Variants in COG5 observed in about 807,000 individuals in gnomAD.
COG5 encodes the protein conserved oligomeric Golgi complex subunit 5.
A neutral mutation model predicts 110.4 loss-of-function variants in COG5; 86 were observed. The ratio of observed to expected loss-of-function variants is 0.78; its 90% CI spans 0.65 to 0.93. The LOEUF (loss-of-function observed/expected upper bound fraction) is 0.93. Among genes scored for constraint, COG5 ranks in the 40% least tolerant of loss-of-function variants. COG5 has a pLI of 0.00. For synonymous variants in COG5, 360 were observed against 334.6 expected (o/e 1.08, Z -0.83); for missense variants, 1,077 against 987.0 (o/e 1.09, Z -1.22).
At chr7:107,339,423 G>C (rs563569834) in intron 10 of COG5, among the ~76,000 whole-genome samples, 7 of 152,132 alleles carry the variant, frequency 4.6e-5, no homozygotes, top group African/African-American at 1.4e-4. Context: ...CAAAATTATA[G>C]TGGGGGGCTT....
intron 10 of COG5, among the ~76,000 whole-genome samples, chr7:107,359,779 G>A (rs1301400607): frequency 6.6e-6 from 1 of 152,152 alleles, no homozygotes; most frequent in African/African-American, 2.4e-5. Context: ...TGACCTGCCA[G>A]CAGATACAAG....
chr7:107,226,422 C>T (rs959828259), intron 19 of COG5, among the ~76,000 whole-genome samples: 1 of 152,200 alleles, frequency 6.6e-6, no homozygotes, highest in African/African-American at 2.4e-5. Context: ...AAAGAAGAGA[C>T]AGATCTCTAA....
chr7:107,496,657 C>CAAA (rs1010946735), intron 6 of COG5, among the ~76,000 whole-genome samples: 35 of 90,588 alleles, frequency 3.9e-4, no homozygotes, highest in Middle Eastern at 5.4e-3. Context: ...GACTCTGTCT[C>CAAA]AAAAAAAAAA....
intron 21 of COG5, among the ~76,000 whole-genome samples, chr7:107,204,125 A>G (rs544611619): frequency 5.3e-5 from 8 of 152,330 alleles, no homozygotes; most frequent in Non-Finnish European, 7.3e-5. Context: ...AACAACTAGA[A>G]TAAGTGCTCT....
intron 6 of COG5, among the ~76,000 whole-genome samples, chr7:107,468,420 G>GGTGT (rs35406143): frequency 6.3e-4 from 95 of 149,622 alleles, no homozygotes; most frequent in South Asian, 8.5e-4. Context: ...TGTGTGCTGT[G>GGTGT]GTGTGTGTGT....
chr7:107,465,716 C>T (rs1365275713), intron 6 of COG5, among the ~76,000 whole-genome samples: 1 of 152,144 alleles, frequency 6.6e-6, no homozygotes, highest in Non-Finnish European at 1.5e-5. Context: ...CATTCATTTT[C>T]CCAAATGGAT....
rs928677721 is a variant in COG5, at chr7:107,512,968, A to G, written c.538+14269T>C. Among the ~76,000 whole-genome samples the G allele has an allele frequency of 9.9e-5, 15 of 152,226 alleles. 1 individual carries two copies. The highest frequency in any genetic ancestry group is 4.6e-4 in the Admixed American group (7 of 15,286). On this transcript the variant is annotated intron_variant, in intron 6 of 21. Coordinates refer to ENST00000297135, the MANE Select transcript of COG5 (RefSeq NM_006348.5). ...CCTAGAAGAAAACCTAGGCAATACC[A>G]TTCAGGATATAGGCATGGGCAAGGA...
At chr7:107,352,446 A>G (rs1054718303) in intron 10 of COG5, among the ~76,000 whole-genome samples, 2 of 151,386 alleles carry the variant, frequency 1.3e-5, no homozygotes, top group Non-Finnish European at 2.9e-5. Flanking sequence ...GTACCCTAAA[A>G]CTTAAAGTAT....
intron 6 of COG5, among the ~76,000 whole-genome samples, chr7:107,480,563 C>T (rs189185774): frequency 1.8e-4 from 27 of 152,108 alleles, no homozygotes; most frequent in African/African-American, 5.8e-4. Context: ...TTCAAAGATG[C>T]TAAGCTCTTA....
intron 21 of COG5, 23 bp from the exon 22 acceptor site, chr7:107,203,653 T>C (rs2116086892): frequency 7.1e-7 from 1 of 1,403,202 alleles, no homozygotes; most frequent in South Asian, 1.2e-5. Context: ...ATGAAAACAA[T>C]GTCAAAATAT....
chr7:107,203,997 G>C (rs1291967459), intron 21 of COG5, among the ~76,000 whole-genome samples: 1 of 152,210 alleles, frequency 6.6e-6, no homozygotes, highest in African/African-American at 2.4e-5. Flanking sequence ...GCTCACGAGG[G>C]GCATCCTGCG....
chr7:107,530,526 G>A (rs1357681442), intron 5 of COG5, among the ~76,000 whole-genome samples: 6 of 150,956 alleles, frequency 4.0e-5, no homozygotes, highest in African/African-American at 7.3e-5. Flanking sequence ...GCTTGAACCC[G>A]GGAGGCGGAG....
intron 6 of COG5, among the ~76,000 whole-genome samples, chr7:107,447,380 G>A (rs1455513398): frequency 6.6e-6 from 1 of 152,122 alleles, no homozygotes; most frequent in Non-Finnish European, 1.5e-5. Flanking sequence ...ATATTTGGGG[G>A]TTTTAGGAAA....
chr7:107,201,503 C>G lies in COG5; in HGVS notation c.*2013G>C. Reference sequence around the variant, plus strand: ...TCTTGATGGAAAGACTTAAGAAGATCAAGGTCTCACCATTTGTCCTCAATT... The same window carrying G: ...TCTTGATGGAAAGACTTAAGAAGATGAAGGTCTCACCATTTGTCCTCAATT... On this transcript the variant is annotated 3_prime_UTR_variant, in exon 22 of 22. Coordinates refer to ENST00000297135, the MANE Select transcript of COG5 (RefSeq NM_006348.5). 1.1e-6 allele frequency: 1 copy of G among 921,258 alleles called. No individual in the cohort carries two copies. Among genetic ancestry groups the G allele is most frequent in the South Asian group, 1.4e-5 (1 of 69,612 alleles). The allele number at this position is 921,258 out of a possible 1,614,324, so 57.1% of individuals were successfully genotyped here. A position where few individuals can be genotyped will look rare whatever the true frequency, so the allele number is the denominator to read the frequency against.
intron 19 of COG5, among the ~76,000 whole-genome samples, chr7:107,228,306 C>CAAAAAAAAAAAAAAAAA: frequency 1.5e-5 from 1 of 67,528 alleles, no homozygotes; most frequent in Non-Finnish European, 3.0e-5. Flanking sequence ...CACCCGGTCT[C>CAAAAAAAAAAAAAAAAA]AAAAAAAAAA....
intron 12 of COG5, among the ~76,000 whole-genome samples, chr7:107,295,790 T>C (rs1166323331): frequency 4.6e-5 from 7 of 152,132 alleles, no homozygotes; most frequent in African/African-American, 1.7e-4. Flanking sequence ...GAATTTACTG[T>C]TTTATTTTAT....
chr7:107,295,058 C>CATAT (rs1562955574), intron 12 of COG5, among the ~76,000 whole-genome samples: 2 of 62,106 alleles, frequency 3.2e-5, no homozygotes, highest in African/African-American at 1.2e-4. Flanking sequence ...CACACACACA[C>CATAT]ACACACACAT....
intron 6 of COG5, among the ~76,000 whole-genome samples, chr7:107,431,667 G>A (rs914485243): frequency 2.0e-5 from 3 of 151,816 alleles, no homozygotes; most frequent in East Asian, 3.9e-4. Context: ...ACAGGGTCTC[G>A]TTCTGTCACC....
intron 21 of COG5, among the ~76,000 whole-genome samples, chr7:107,206,062 G>A (rs534019709): frequency 1.3e-5 from 2 of 151,782 alleles, no homozygotes; most frequent in Admixed American, 1.3e-4. Context: ...CTGGGTTCAC[G>A]CCATTCTCCT....
Sources: allele counts gnomAD v4.1 joint callset (sites outside exome capture counted in the v4.1 genomes callset), GRCh38; gene constraint gnomAD v4.1.1; transcripts MANE v1.5; gene names NCBI Gene and HGNC (gene_info 2026-07-23, HGNC 2026-07-21).